Variants in DPYSL3 observed in about 807,000 individuals in gnomAD.
DPYSL3 encodes dihydropyrimidinase like 3.
In DPYSL3, 16 loss-of-function variants were observed where a neutral mutation model predicts 66.1. The ratio of observed to expected loss-of-function variants is 0.24; its 90% CI spans 0.16 to 0.37. The LOEUF (loss-of-function observed/expected upper bound fraction) is 0.37, where lower values mean the gene tolerates loss of function less well. Among genes scored for constraint, DPYSL3 ranks in the 10% least tolerant of loss-of-function variants. DPYSL3 has a pLI of 1.00. For missense variants in DPYSL3, 738 were observed against 916.2 expected (o/e 0.81, Z 2.51); for synonymous variants, 338 against 345.1 (o/e 0.98, Z 0.23).
At chr5:147,426,177 T>C (rs1752193997) in intron 1 of DPYSL3, among the ~76,000 whole-genome samples, 1 of 151,190 alleles carries the variant, frequency 6.6e-6, no homozygotes, top group Non-Finnish European at 1.5e-5. Context: ...TACAGGGGAG[T>C]GGGCTTGTTT....
At chr5:147,432,573 G>A (rs570998863) in intron 1 of DPYSL3, among the ~76,000 whole-genome samples, 12 of 152,278 alleles carry the variant, frequency 7.9e-5, no homozygotes, top group Admixed American at 5.2e-4. Flanking sequence ...ACACAGATAA[G>A]TACAAATAGA....
chr5:147,424,424 A>T (rs1036264572), intron 2 of DPYSL3, among the ~76,000 whole-genome samples: 7 of 152,220 alleles, frequency 4.6e-5, no homozygotes, highest in Non-Finnish European at 7.3e-5. Context: ...TACATCCCTA[A>T]TGAATTTATT....
chr5:147,413,765 C>T (rs1020524926), intron 4 of DPYSL3, 108 bp from the exon 5 acceptor site: 31 of 859,988 alleles, frequency 3.6e-5, no homozygotes, highest in African/African-American at 2.7e-4. Flanking sequence ...CTGCATTACC[C>T]GGGCTCCTGT....
intron 1 of DPYSL3, among the ~76,000 whole-genome samples, chr5:147,496,465 C>A (rs1753510485): frequency 6.6e-6 from 1 of 151,990 alleles, no homozygotes; most frequent in South Asian, 2.1e-4. Flanking sequence ...AACAGGCAAC[C>A]TACAAAATGG....
At chr5:147,467,104 A>T (rs1753021429) in intron 1 of DPYSL3, among the ~76,000 whole-genome samples, 1 of 152,154 alleles carries the variant, frequency 6.6e-6, no homozygotes, top group African/African-American at 2.4e-5. Context: ...AGATAGTTTA[A>T]AGGGCCAGGC....
At chr5:147,506,667 G>A (rs549027282) in intron 1 of DPYSL3, among the ~76,000 whole-genome samples, 16 of 152,124 alleles carry the variant, frequency 1.1e-4, no homozygotes, top group African/African-American at 3.9e-4. Flanking sequence ...TACATGTAAC[G>A]GGCATTAAAA....
intron 1 of DPYSL3, among the ~76,000 whole-genome samples, chr5:147,444,501 T>A (rs1373567223): frequency 6.6e-6 from 1 of 152,210 alleles, no homozygotes; most frequent in Non-Finnish European, 1.5e-5. Context: ...CTGATTATAT[T>A]ATATATGACA....
rs192761790 is a variant in DPYSL3 at position 147,453,640 on chromosome 5, G to C, written c.382-28677C>G. 4 of 1,509,140 alleles carry C rather than the reference G, an allele frequency of 2.7e-6. No homozygotes were observed. The African/African-American group carries it at 5.7e-5, about 22-fold the overall frequency. The allele number at this position is 1,509,140 out of a possible 1,614,324, so 93.5% of individuals were successfully genotyped here. On this transcript the variant is annotated intron_variant, in intron 1 of 13. Transcript: ENST00000343218. ...CTCCCTCCCTCCTTCTTCTGCTCCG[G>C]CTCGCCCGCGCCTTCCTCAGCGCAC...
chr5:147,483,019 G>A (rs1485760697), intron 1 of DPYSL3, among the ~76,000 whole-genome samples: 3 of 152,150 alleles, frequency 2.0e-5, no homozygotes, highest in South Asian at 2.1e-4. Flanking sequence ...CGATCCAATC[G>A]CTTCCCACCA....
chr5:147,417,203 T>C (rs1751987839), intron 3 of DPYSL3, among the ~76,000 whole-genome samples: 1 of 152,194 alleles, frequency 6.6e-6, no homozygotes, highest in African/African-American at 2.4e-5. Context: ...ATCTCAAGGA[T>C]GCCAAACAGG....
intron 1 of DPYSL3, among the ~76,000 whole-genome samples, chr5:147,487,754 CCTATT>C (rs1344463429): frequency 7.9e-5 from 12 of 152,278 alleles, no homozygotes; most frequent in African/African-American, 2.9e-4. Flanking sequence ...TTTACAGACT[CCTATT>C]CTAGATCATT....
chr5:147,450,271 T>C (rs916196417), intron 1 of DPYSL3, among the ~76,000 whole-genome samples: 2 of 152,188 alleles, frequency 1.3e-5, no homozygotes, highest in Admixed American at 1.3e-4. Context: ...AAACAAGGCA[T>C]GTAAGGCATA....
chr5:147,421,189 C>T (rs1002261408), intron 2 of DPYSL3, among the ~76,000 whole-genome samples: 2 of 152,126 alleles, frequency 1.3e-5, no homozygotes, highest in African/African-American at 4.8e-5. Flanking sequence ...AATCAATGTG[C>T]AAAAATCACA....
chr5:147,395,524 C>A (rs769286824), intron 13 of DPYSL3, 35 bp downstream of exon 13: 2 of 1,582,592 alleles, frequency 1.3e-6, no homozygotes, highest in East Asian at 4.6e-5. Context: ...CCCCTTCCCC[C>A]TTCTCTTATC....
At chr5:147,468,897 A>G (rs1753045862) in intron 1 of DPYSL3, among the ~76,000 whole-genome samples, 1 of 152,218 alleles carries the variant, frequency 6.6e-6, no homozygotes, top group South Asian at 2.1e-4. Context: ...AAAAGATGAT[A>G]AGAGCCAATG....
chr5:147,467,136 A>G (rs1395641871), intron 1 of DPYSL3, among the ~76,000 whole-genome samples: 2 of 152,212 alleles, frequency 1.3e-5, no homozygotes, highest in African/African-American at 2.4e-5. Flanking sequence ...CACTGGAGAC[A>G]TAAACATAAG....
intron 10 of DPYSL3, among the ~76,000 whole-genome samples, chr5:147,400,037 C>T (rs1253543912): frequency 1.3e-5 from 2 of 151,278 alleles, no homozygotes; most frequent in Non-Finnish European, 3.0e-5. Context: ...CTTTAGTATA[C>T]ATAACTTTGA....
intron 1 of DPYSL3, among the ~76,000 whole-genome samples, chr5:147,459,582 C>A (rs1479308347): frequency 6.6e-6 from 1 of 151,976 alleles, no homozygotes; most frequent in Non-Finnish European, 1.5e-5. Context: ...AACAAACTAA[C>A]CTCGGATACA....
rs532681119 is a variant in DPYSL3, at chr5:147,459,600, C to CA, written c.382-34638dup. Among the ~76,000 whole-genome samples the CA allele has an allele frequency of 7.7e-3, 1,094 of 142,558 alleles. 7 individuals are homozygous for CA. Among genetic ancestry groups the CA allele is most frequent in the African/African-American group, 0.023 (901 of 39,094 alleles). 93.5% of individuals were successfully genotyped at this position (142,558 alleles called of 152,430 possible). On this transcript the variant is annotated intron_variant, in intron 1 of 13. Transcript: ENST00000343218. ...AAACTAACCTCGGATACACATAAAC[C>CA]AAAAAAAAAAAAATTACAGCCACAG...
Sources: gnomAD v4.1 joint callset for allele counts (sites outside exome capture counted in the v4.1 genomes callset) on GRCh38, gnomAD v4.1.1 for gene constraint, MANE v1.5 for transcripts, NCBI Gene and HGNC (gene_info 2026-07-23, HGNC 2026-07-21) for gene names.